VAC14: variants seen among roughly 807,000 people sequenced by gnomAD.
The protein encoded by VAC14 is VAC14 component of PIKFYVE complex, also known as protein VAC14 homolog.
A neutral mutation model predicts 85.3 loss-of-function variants in VAC14; 47 were observed. The ratio of observed to expected loss-of-function variants is 0.55; its 90% CI spans 0.44 to 0.70. VAC14 has a LOEUF of 0.70. VAC14 is among the 30% of genes least tolerant of loss of function. The pLI, the probability that VAC14 is intolerant of heterozygous loss-of-function variation, is 0.00. For missense variants in VAC14, 861 were observed against 1,004.3 expected (o/e 0.86, Z 1.93); for synonymous variants, 447 against 430.5 (o/e 1.04, Z -0.47).
chr16:70,779,193 G>C (rs1597998842), intron 9 of VAC14: 1 of 152,254 alleles, frequency 6.6e-6, no homozygotes, highest in Non-Finnish European at 1.5e-5. Flanking sequence ...TGACACCTGA[G>C]ATGGGTCCAG....
At chr16:70,798,777 G>A (rs1412978843) in intron 1 of VAC14, among the ~76,000 whole-genome samples, 1 of 152,194 alleles carries the variant, frequency 6.6e-6, no homozygotes, top group African/African-American at 2.4e-5. Flanking sequence ...GCTGCTGTCT[G>A]TAGGCCACGC....
At chr16:70,721,016 G>C (rs150636380) in intron 14 of VAC14, among the ~76,000 whole-genome samples, 7 of 152,212 alleles carry the variant, frequency 4.6e-5, no homozygotes, top group Admixed American at 3.9e-4. Context: ...TGGATGATGC[G>C]AGCCACTGCG....
chr16:70,756,573 T>C (rs558191718), intron 12 of VAC14, among the ~76,000 whole-genome samples: 1 of 152,254 alleles, frequency 6.6e-6, no homozygotes, highest in African/African-American at 2.4e-5. Context: ...GGATAGGGCA[T>C]CTGCCACCAG....
At chr16:70,720,641 G>C (rs919794847) in intron 14 of VAC14, among the ~76,000 whole-genome samples, 1 of 152,210 alleles carries the variant, frequency 6.6e-6, no homozygotes, top group Non-Finnish European at 1.5e-5. Context: ...TAGCAAGCCT[G>C]GGGGCAGAAG....
intron 1 of VAC14, among the ~76,000 whole-genome samples, chr16:70,794,469 G>C (rs1363451550): frequency 2.0e-5 from 3 of 152,038 alleles, no homozygotes; most frequent in African/African-American, 4.8e-5. Context: ...GAGGCACAAA[G>C]AGGTTAAATC....
At chr16:70,787,313 A>C (rs1268907781) in intron 1 of VAC14, among the ~76,000 whole-genome samples, 1 of 152,188 alleles carries the variant, frequency 6.6e-6, no homozygotes, top group Admixed American at 6.5e-5. Flanking sequence ...TTCTAGAATT[A>C]AATGGAAAAG....
At chr16:70,751,823 A>C (rs2031412613) in intron 12 of VAC14, among the ~76,000 whole-genome samples, 2 of 152,226 alleles carry the variant, frequency 1.3e-5, no homozygotes, top group African/African-American at 4.8e-5. Context: ...GACACAAAGT[A>C]AACATGAGCT....
At chr16:70,725,017 C>A (rs747977537) in intron 14 of VAC14, among the ~76,000 whole-genome samples, 2 of 152,258 alleles carry the variant, frequency 1.3e-5, no homozygotes, top group Non-Finnish European at 2.9e-5. Context: ...TGAACGCAAT[C>A]CATTAAAAGG....
At chr16:70,694,686 T>C (rs561348018) in intron 17 of VAC14, among the ~76,000 whole-genome samples, 16 of 152,272 alleles carry the variant, frequency 1.1e-4, no homozygotes, top group African/African-American at 3.4e-4. Context: ...CTCTGCACAT[T>C]ATAAGCACAT....
intron 10 of VAC14, chr16:70,766,649 C>T (rs1373426453): frequency 2.6e-6 from 1 of 378,906 alleles, no homozygotes; most frequent in Non-Finnish European, 5.3e-6. Context: ...ACCAAGCAGT[C>T]ATTCCCTGGG....
chr16:70,763,204 C>T (rs1390690217), intron 10 of VAC14, among the ~76,000 whole-genome samples, 179 bp from the exon 11 acceptor site: 1 of 152,224 alleles, frequency 6.6e-6, no homozygotes, highest in African/African-American at 2.4e-5. Flanking sequence ...CCCACCATCC[C>T]AGCTCAGCCC....
intron 17 of VAC14, among the ~76,000 whole-genome samples, chr16:70,693,598 G>T (rs562571493): frequency 5.9e-5 from 9 of 152,152 alleles, no homozygotes; most frequent in South Asian, 4.2e-4. Context: ...AGATGCACCC[G>T]GGGGGCTGCC....
Position 70,762,263 on chromosome 16 carries a change from A to C in VAC14, c.1371+277T>G, listed in dbSNP as rs1330047527. Among the ~76,000 whole-genome samples, 1 of 151,906 alleles carries C rather than the reference A, an allele frequency of 6.6e-6. No individual in the cohort carries two copies. The stretch of plus-strand genomic sequence containing the variant: ...GCTGGGAGTACAGGCGTGCACCACC[A>C]CGCCCGGCTAATTTTTGTATTTTGA... On this transcript the variant is annotated intron_variant, in intron 12 of 18. Coordinates refer to ENST00000261776, the MANE Select transcript of VAC14 (RefSeq NM_018052.5). The surrounding 1 kb of genome is among the most constrained non-coding windows in gnomAD (Gnocchi z 4.1).
intron 18 of VAC14, chr16:70,688,304 A>G (rs1262944228): frequency 3.3e-6 from 4 of 1,210,394 alleles, no homozygotes; most frequent in African/African-American, 1.6e-5. Flanking sequence ...AACAGCTAAC[A>G]CTGCTGCTTG....
intron 9 of VAC14, chr16:70,778,903 T>C (rs2033659988): frequency 6.6e-6 from 1 of 152,220 alleles, no homozygotes; most frequent in Admixed American, 6.5e-5. Context: ...TCACAAAATA[T>C]GTATCCCCGA....
intron 14 of VAC14, among the ~76,000 whole-genome samples, chr16:70,725,694 G>A (rs1279091495): frequency 6.6e-6 from 1 of 152,194 alleles, no homozygotes; most frequent in African/African-American, 2.4e-5. Context: ...AGAATGAACC[G>A]GAAGCCTTGC....
intron 6 of VAC14, 56 bp downstream of exon 6, chr16:70,783,389 T>C (rs2033903193): frequency 3.2e-6 from 5 of 1,564,080 alleles, no homozygotes; most frequent in African/African-American, 2.7e-5. Context: ...ATGAAGCACA[T>C]GGGCACAGCT....
Position 70,723,205 on chromosome 16 carries a change from G to A in VAC14, c.1661+8290C>T, listed in dbSNP as rs562036296. Among the ~76,000 whole-genome samples the A allele has an allele frequency of 1.1e-4, 16 of 151,752 alleles. No homozygotes were observed. In the East Asian group the frequency reaches 2.9e-3, roughly 28 times the overall value. ...CCACAGCACTTGATTCTGGGTGACT[G>A]AGTGAGACCCTGTCTCAAAAGAAAA... is the stretch of plus-strand genomic sequence containing the variant. On this transcript the variant is annotated intron_variant, in intron 14 of 18. Coordinates refer to ENST00000261776, the MANE Select transcript of VAC14 (RefSeq NM_018052.5).
At chr16:70,731,007 T>C (rs1340194515) in intron 14 of VAC14, among the ~76,000 whole-genome samples, 1 of 152,212 alleles carries the variant, frequency 6.6e-6, no homozygotes, top group East Asian at 1.9e-4. Flanking sequence ...GCCCCAGCCA[T>C]GCTGCTGGTG....
Sources: gnomAD v4.1 joint callset for allele counts (sites outside exome capture counted in the v4.1 genomes callset) on GRCh38, gnomAD v4.1.1 for gene constraint, Gnocchi (gnomAD v3.1) non-coding constraint, MANE v1.5 for transcripts, NCBI Gene and HGNC (gene_info 2026-07-23, HGNC 2026-07-21) for gene names.